Variants in EFCAB8 observed in about 807,000 individuals in gnomAD.
EFCAB8 encodes the protein EF-hand calcium binding domain 8.
In EFCAB8, 100 loss-of-function variants were observed where a neutral mutation model predicts 116.3. That is an observed-to-expected ratio of 0.86 (90% CI 0.73 to 1.02). The LOEUF is 1.02. EFCAB8 is among the 50% of genes least tolerant of loss of function. The pLI is 0.00. For synonymous variants in EFCAB8, 558 were observed against 567.9 expected (o/e 0.98, Z 0.25); for missense variants, 1,320 against 1,416.9 (o/e 0.93, Z 1.10).
intron 3 of EFCAB8, among the ~76,000 whole-genome samples, chr20:32,873,440 C>T (rs1600367900): frequency 6.6e-6 from 1 of 151,866 alleles, no homozygotes; most frequent in African/African-American, 2.4e-5. Flanking sequence ...GGTTATTGAC[C>T]CATTTGCAGA....
chr20:32,928,470 C>T (rs947370279), intron 20 of EFCAB8, among the ~76,000 whole-genome samples: 2 of 152,092 alleles, frequency 1.3e-5, no homozygotes, highest in Non-Finnish European at 2.9e-5. Flanking sequence ...CTCTTGACCT[C>T]ATGATCCACC....
chr20:32,883,679 C>A (rs896408384), intron 5 of EFCAB8, among the ~76,000 whole-genome samples: 3 of 151,926 alleles, frequency 2.0e-5, no homozygotes, highest in Non-Finnish European at 2.9e-5. Flanking sequence ...TAAGGTCAAG[C>A]CTTCACTGGT....
chr20:32,884,930 C>T (rs1444900049), intron 5 of EFCAB8, among the ~76,000 whole-genome samples: 1 of 152,190 alleles, frequency 6.6e-6, no homozygotes, highest in Non-Finnish European at 1.5e-5. Flanking sequence ...TGTATGAATG[C>T]TCAAGGGCGG....
chr20:32,870,859 CTTT>C (rs35534837), intron 3 of EFCAB8, among the ~76,000 whole-genome samples: 44 of 146,074 alleles, frequency 3.0e-4, no homozygotes, highest in Non-Finnish European at 2.6e-4. Flanking sequence ...ACTTCTTCTT[CTTT>C]TTTTTTTTTT....
intron 7 of EFCAB8, among the ~76,000 whole-genome samples, chr20:32,889,723 C>T (rs1159735000): frequency 1.3e-5 from 2 of 152,098 alleles, no homozygotes; most frequent in East Asian, 1.9e-4. Context: ...CTCTCCTGGC[C>T]GGGTGTGGTG....
intron 6 of EFCAB8, among the ~76,000 whole-genome samples, chr20:32,886,427 A>G (rs1218257658): frequency 1.3e-5 from 2 of 152,188 alleles, no homozygotes; most frequent in Non-Finnish European, 2.9e-5. Flanking sequence ...ACTGCTCTCC[A>G]GGGCTCTACA....
intron 13 of EFCAB8, 61 bp downstream of exon 13, chr20:32,907,055 A>G (rs1199186192): frequency 1.4e-6 from 2 of 1,455,694 alleles, no homozygotes; most frequent in African/African-American, 2.9e-5. Flanking sequence ...TGGCCAGAGA[A>G]ATGGCATGAC....
At chr20:32,906,531 C>G in intron 11 of EFCAB8, 31 bp from the exon 12 acceptor site, 1 of 718,218 alleles carries the variant, frequency 1.4e-6, no homozygotes, top group South Asian at 1.5e-5. Context: ...CTGCTCCCGG[C>G]CCTGCAGCCC....
chr20:32,958,557 G>A lies in EFCAB8; in HGVS notation c.3089+7G>A, dbSNP rs1989043964. On this transcript the variant is annotated splice_region_variant and intron_variant, in intron 24 of 26. Coordinates refer to ENST00000400522, the MANE Select transcript of EFCAB8 (RefSeq NM_001143967.2). The stretch of plus-strand genomic sequence containing the variant: ...TCTTACATCTGGAGCTGCAGTGAGT[G>A]AGCACAGCCTGCTTGATCTTCTCTG... The A allele has an allele frequency of 2.4e-6, 1 of 415,630 alleles. No homozygotes were observed. The highest frequency in any genetic ancestry group is 2.1e-5 in the African/African-American group (1 of 48,650). The allele number at this position is 415,630 out of a possible 1,614,324, so 25.7% of individuals were successfully genotyped here.
chr20:32,961,725 C>T lies in EFCAB8; in HGVS notation c.*116C>T. 1 of 564,390 alleles carries T rather than the reference C, an allele frequency of 1.8e-6. No individual in the cohort carries two copies. The highest frequency in any genetic ancestry group is 3.4e-5 in the East Asian group (1 of 29,662). 35.0% of individuals were successfully genotyped at this position (564,390 alleles called of 1,614,324 possible). ...AGGATGTGGCTCTTCCCCCGGCCAC[C>T]CCACTGGGCCTCTCTGGGGAAGTTC... On this transcript the variant is annotated 3_prime_UTR_variant, in exon 27 of 27. Transcript: ENST00000400522.
At chr20:32,860,787 G>T (rs1984075801) in intron 1 of EFCAB8, among the ~76,000 whole-genome samples, 1 of 151,900 alleles carries the variant, frequency 6.6e-6, no homozygotes, top group Admixed American at 6.6e-5. Context: ...CCCAGGCCCT[G>T]GAGTGCAGTG....
intron 22 of EFCAB8, among the ~76,000 whole-genome samples, chr20:32,939,226 CTT>C (rs1406930617): frequency 1.7e-5 from 2 of 117,202 alleles, no homozygotes; most frequent in Non-Finnish European, 3.5e-5. Flanking sequence ...CTCTCTCTCT[CTT>C]TCCCTCCCTC....
chr20:32,897,212 C>G (rs1017795299), intron 10 of EFCAB8, among the ~76,000 whole-genome samples: 3 of 152,158 alleles, frequency 2.0e-5, no homozygotes, highest in African/African-American at 7.2e-5. Flanking sequence ...CCTTCACCCG[C>G]AGTGTTTACC....
chr20:32,882,718 C>G (rs190562005), intron 5 of EFCAB8, among the ~76,000 whole-genome samples: 4 of 151,970 alleles, frequency 2.6e-5, no homozygotes, highest in South Asian at 4.2e-4. Flanking sequence ...TGTTTTGAGA[C>G]AGAGCCTTGC....
chr20:32,930,385 C>T lies in EFCAB8; in HGVS notation c.2413-13C>T. 5 of 1,547,712 alleles carry T rather than the reference C, an allele frequency of 3.2e-6. No homozygotes were observed. Among genetic ancestry groups the T allele is most frequent in the Non-Finnish European group, 4.4e-6 (5 of 1,146,340 alleles). The stretch of plus-strand genomic sequence containing the variant: ...CACAGCCCTGCTGAGCCGGGCCCTC[C>T]TCTCTTCCTCAGATAATCTTCCTGC... On this transcript the variant is annotated splice_polypyrimidine_tract_variant and intron_variant, in intron 20 of 26. Transcript: ENST00000400522.
intron 11 of EFCAB8, 32 bp from the exon 12 acceptor site, chr20:32,906,530 G>T: frequency 1.4e-6 from 1 of 718,238 alleles, no homozygotes; most frequent in Non-Finnish European, 2.6e-6. Flanking sequence ...ACTGCTCCCG[G>T]CCCTGCAGCC....
chr20:32,951,021 C>T (rs972414749), intron 23 of EFCAB8, among the ~76,000 whole-genome samples: 1 of 152,138 alleles, frequency 6.6e-6, no homozygotes, highest in Non-Finnish European at 1.5e-5. Context: ...AAGAGAAATA[C>T]TAATTAAAAC....
At chr20:32,919,790 C>T (rs539520325) in intron 19 of EFCAB8, among the ~76,000 whole-genome samples, 10 of 152,230 alleles carry the variant, frequency 6.6e-5, no homozygotes, top group South Asian at 6.2e-4. Context: ...TGAACCACCA[C>T]GACCGACCTT....
intron 20 of EFCAB8, among the ~76,000 whole-genome samples, chr20:32,921,529 TA>T (rs899947003): frequency 2.0e-5 from 3 of 151,924 alleles, no homozygotes; most frequent in Admixed American, 1.3e-4. Context: ...TCCTTCTCTT[TA>T]AAAAAATACC....
Sources: gnomAD v4.1 joint callset for allele counts (sites outside exome capture counted in the v4.1 genomes callset) on GRCh38, gnomAD v4.1.1 for gene constraint, MANE v1.5 for transcripts, NCBI Gene and HGNC (gene_info 2026-07-23, HGNC 2026-07-21) for gene names.